EHBP1: variants seen among roughly 807,000 people sequenced by gnomAD.
EHBP1 encodes EH domain binding protein 1.
EHBP1 carries 55 observed loss-of-function variants against 144.0 expected under a neutral mutation model. The ratio of observed to expected loss-of-function variants is 0.38; its 90% confidence interval spans 0.31 to 0.48. EHBP1 has a LOEUF of 0.48. Ranked by LOEUF, EHBP1 falls within the 20% of genes least tolerant of loss-of-function variation. The pLI is 0.98. For missense variants in EHBP1, 1,200 were observed against 1,364.2 expected, an observed-to-expected ratio of 0.88 and a Z score of 1.90; for synonymous variants, 469 against 472.7, an observed-to-expected ratio of 0.99 and a Z score of 0.10.
chr2:62,870,946 A>T (rs554802439), intron 9 of EHBP1, among the ~76,000 whole-genome samples: 5 of 152,150 alleles, frequency 3.3e-5, no homozygotes, highest in East Asian at 3.9e-4. Flanking sequence ...TCAGAGTTAC[A>T]TCATAATAAT....
chr2:62,852,579 CT>C (rs1452937770), intron 7 of EHBP1, among the ~76,000 whole-genome samples: 1 of 151,872 alleles, frequency 6.6e-6, no homozygotes, highest in Non-Finnish European at 1.5e-5. Context: ...TTTCCCACTG[CT>C]TAGTAATTGT....
intron 7 of EHBP1, among the ~76,000 whole-genome samples, chr2:62,853,350 T>G (rs1177797169): frequency 6.6e-6 from 1 of 152,228 alleles, no homozygotes; most frequent in African/African-American, 2.4e-5. Flanking sequence ...GAAGCTACTT[T>G]CTTTGTTCAT....
intron 13 of EHBP1, among the ~76,000 whole-genome samples, chr2:62,949,764 C>T (rs1199815799): frequency 6.6e-6 from 1 of 152,152 alleles, no homozygotes; most frequent in Non-Finnish European, 1.5e-5. Context: ...AATTTCTCCT[C>T]ATGAAGGGAA....
chr2:62,811,940 C>T (rs1043714502), intron 5 of EHBP1, among the ~76,000 whole-genome samples: 1 of 152,092 alleles, frequency 6.6e-6, no homozygotes, highest in Non-Finnish European at 1.5e-5. Flanking sequence ...AATGTAATCC[C>T]CAATGCAACA....
At chr2:62,927,037 A>G (rs2055574033) in intron 10 of EHBP1, among the ~76,000 whole-genome samples, 1 of 152,242 alleles carries the variant, frequency 6.6e-6, no homozygotes, top group South Asian at 2.1e-4. Context: ...CCTGCCATTC[A>G]TGGCAATACA....
chr2:62,949,095 C>T lies in EHBP1; in HGVS notation c.2249C>T (p.Thr750Met), dbSNP rs978478500. 25 of 1,600,186 alleles carry T rather than the reference C, an allele frequency of 1.6e-5. No homozygotes were observed. The highest frequency in any genetic ancestry group is 2.0e-5 in the Non-Finnish European group (24 of 1,176,542). ...AAAAAACATGCTTCCCTGAGGCAGA[C>T]GGAGTCTGATCCAGATGCTGATAGA... ...AKKKHASLRQ[T>M]ESDPDADRTT... Residue 750 changes from threonine (T) to methionine (M), a missense_variant, in exon 13 of 23, where the codon ACG becomes ATG. By Grantham distance (81) the Thr-to-Met change is moderately conservative (BLOSUM62 -1). Around this residue, in one of 6 missense-constraint regions of EHBP1, gnomAD observed 543 missense variants for 513.1 expected, o/e 1.06. Transcript: ENST00000431489.
intron 2 of EHBP1, among the ~76,000 whole-genome samples, chr2:62,730,833 CAGAGAG>C (rs911440652): frequency 8.8e-6 from 1 of 113,564 alleles, no homozygotes; most frequent in Non-Finnish European, 1.9e-5. Flanking sequence ...AAGAGAGAAA[CAGAGAG>C]ACGGAGAGAG....
chr2:62,699,659 A>T (rs1169266021), intron 1 of EHBP1, among the ~76,000 whole-genome samples: 2 of 152,220 alleles, frequency 1.3e-5, no homozygotes, highest in African/African-American at 4.8e-5. Flanking sequence ...GCCAACGTTT[A>T]CAGTTGTCAT....
intron 13 of EHBP1, among the ~76,000 whole-genome samples, chr2:62,951,061 G>C (rs2057351883): frequency 6.6e-6 from 1 of 152,170 alleles, no homozygotes; most frequent in Non-Finnish European, 1.5e-5. Context: ...GATTGATAAT[G>C]GCACTTTCTT....
chr2:63,022,621 G>T (rs1205894035), intron 19 of EHBP1, among the ~76,000 whole-genome samples: 3 of 152,016 alleles, frequency 2.0e-5, no homozygotes, highest in African/African-American at 7.2e-5. Context: ...GGCCAACATT[G>T]CCAGTTCTTC....
chr2:62,822,018 A>C (rs146292089), intron 5 of EHBP1, among the ~76,000 whole-genome samples: 18 of 152,300 alleles, frequency 1.2e-4, no homozygotes, highest in African/African-American at 4.1e-4. Context: ...TGTAAAGTTA[A>C]ATTATTACTG....
intron 7 of EHBP1, among the ~76,000 whole-genome samples, chr2:62,847,163 A>C (rs2048352251): frequency 6.6e-6 from 1 of 152,176 alleles, no homozygotes; most frequent in African/African-American, 2.4e-5. Flanking sequence ...AAATATACCC[A>C]AGCTTGGCCA....
chr2:62,855,170 T>A (rs1215314662), intron 7 of EHBP1, among the ~76,000 whole-genome samples: 1 of 152,220 alleles, frequency 6.6e-6, no homozygotes, highest in Non-Finnish European at 1.5e-5. Context: ...AAGTGCCTGC[T>A]TCTGCTGTCT....
chr2:63,045,021 T>C lies in EHBP1; in HGVS notation c.3278-45T>C. On this transcript the variant is annotated intron_variant, in intron 21 of 22. Transcript: ENST00000431489. The surrounding 1 kb of genome is among the most constrained non-coding windows in gnomAD (Gnocchi z 5.7). ...GAAGGGGAGGGCGGGGGGCCGGGTG[T>C]TCGGAGGCCCTGCCGGTGGGTAACT... is the stretch of plus-strand genomic sequence containing the variant. 2 of 1,441,056 alleles carry C rather than the reference T, an allele frequency of 1.4e-6. No homozygotes were observed. The highest frequency in any genetic ancestry group is 1.9e-6 in the Non-Finnish European group (2 of 1,050,158). The allele number at this position is 1,441,056 out of a possible 1,614,324, so 89.3% of individuals were successfully genotyped here.
In EHBP1 at chr2:62,955,511, T is replaced by C; in HGVS notation, c.2317-6T>C. 3 of 1,606,380 alleles carry C rather than the reference T, an allele frequency of 1.9e-6. No homozygotes were observed. The highest frequency in any genetic ancestry group is 2.5e-6 in the Non-Finnish European group (3 of 1,176,936). ...TGGCTTCTAATTCTGTATCTTTGCTTTTAAGCATCGATTGTTATCTAGACA... is the reference window on the plus strand; with the variant it reads ...TGGCTTCTAATTCTGTATCTTTGCTCTTAAGCATCGATTGTTATCTAGACA... On this transcript the variant is annotated splice_region_variant and splice_polypyrimidine_tract_variant and intron_variant, in intron 13 of 22. Coordinates refer to ENST00000431489, the MANE Select transcript of EHBP1 (RefSeq NM_001142616.3).
intron 1 of EHBP1, among the ~76,000 whole-genome samples, chr2:62,687,070 T>TAAA (rs2033743030): frequency 6.6e-6 from 1 of 152,198 alleles, no homozygotes; most frequent in Admixed American, 6.5e-5. Flanking sequence ...TTCCACCACT[T>TAAA]AATGCTACCT....
At chr2:62,804,963 C>G (rs1012130350) in intron 5 of EHBP1, among the ~76,000 whole-genome samples, 1 of 152,196 alleles carries the variant, frequency 6.6e-6, no homozygotes, top group Non-Finnish European at 1.5e-5. Flanking sequence ...GCCCTTCACC[C>G]CAGCCCTGGT....
intron 10 of EHBP1, among the ~76,000 whole-genome samples, chr2:62,920,870 T>C (rs2055022799): frequency 6.6e-6 from 1 of 152,036 alleles, no homozygotes; most frequent in African/African-American, 2.4e-5. Flanking sequence ...GTTTTCACCA[T>C]GTTGGCCAGG....
intron 2 of EHBP1, among the ~76,000 whole-genome samples, chr2:62,728,103 A>C (rs1463856044): frequency 1.3e-5 from 2 of 152,216 alleles, no homozygotes; most frequent in Admixed American, 6.5e-5. Context: ...CAAGGCTATA[A>C]GTTAATTGTT....
Sources: gnomAD v4.1 joint callset for allele counts (sites outside exome capture counted in the v4.1 genomes callset) on GRCh38, gnomAD v4.1.1 for gene constraint, gnomAD v4.1.1 regional missense constraint, Gnocchi (gnomAD v3.1) non-coding constraint, MANE v1.5 for transcripts, NCBI Gene and HGNC (gene_info 2026-07-23, HGNC 2026-07-21) for gene names.